The following COL27A1 variants were observed in gnomAD, a reference collection of about 807,000 sequenced individuals.
COL27A1 encodes the protein collagen type XXVII alpha 1 chain, also known as collagen alpha-1(XXVII) chain.
Under a neutral mutation model 251.3 loss-of-function variants are expected in COL27A1, and 106 were observed. The observed-to-expected ratio is 0.42, with a 90% CI of 0.36 to 0.50. The LOEUF (loss-of-function observed/expected upper bound fraction) is 0.50. Among genes scored for constraint, COL27A1 ranks in the 20% least tolerant of loss-of-function variants. The pLI is 0.00. For missense variants in COL27A1, 2,325 were observed against 2,522.8 expected (o/e 0.92, Z 1.68); for synonymous variants, 1,000 against 986.3 (o/e 1.01, Z -0.26).
At chr9:114,247,320 G>C (rs1198888651) in intron 24 of COL27A1, among the ~76,000 whole-genome samples, 11 of 152,166 alleles carry the variant, frequency 7.2e-5, no homozygotes, top group Non-Finnish European at 7.3e-5. Flanking sequence ...GACAGTCCCA[G>C]GTCCTGGTAG....
At chr9:114,300,966 C>A in intron 51 of COL27A1, 106 bp from the exon 52 acceptor site, 1 of 1,113,620 alleles carries the variant, frequency 9.0e-7, no homozygotes, top group Non-Finnish European at 1.3e-6. Context: ...TTCAGATGGT[C>A]TCCCTTCTAC....
chr9:114,202,303 A>G (rs528039550), intron 7 of COL27A1, among the ~76,000 whole-genome samples: 1 of 152,334 alleles, frequency 6.6e-6, no homozygotes, highest in East Asian at 1.9e-4. Context: ...GGTGATGGCC[A>G]AGGGCCCCCT....
chr9:114,258,518 C>T (rs1834101182), intron 27 of COL27A1, 23 bp from the exon 28 acceptor site: 1 of 1,610,152 alleles, frequency 6.2e-7, no homozygotes. Context: ...GGGGCCTCTC[C>T]AAACTCTTTC....
At chr9:114,233,852 A>G (rs532507209) in intron 16 of COL27A1, among the ~76,000 whole-genome samples, 145 of 152,198 alleles carry the variant, frequency 9.5e-4, no homozygotes, top group Non-Finnish European at 1.8e-3. Flanking sequence ...AAAGAGAGAG[A>G]GGGGGAGAAA....
chr9:114,272,843 T>C (rs1449098056), intron 36 of COL27A1: 1 of 151,926 alleles, frequency 6.6e-6, no homozygotes, highest in African/African-American at 2.4e-5. Flanking sequence ...GGAGGCATCG[T>C]CCCCTGAGCA....
chr9:114,269,614 C>CAAAAAAA (rs552967033), intron 35 of COL27A1, among the ~76,000 whole-genome samples: 8 of 69,190 alleles, frequency 1.2e-4, no homozygotes, highest in Admixed American at 1.8e-4. Context: ...GACTCCATCT[C>CAAAAAAA]AAAAAAAAAA....
intron 3 of COL27A1, among the ~76,000 whole-genome samples, chr9:114,169,926 G>C (rs1849190089): frequency 6.6e-6 from 1 of 152,242 alleles, no homozygotes; most frequent in Admixed American, 6.5e-5. Context: ...CACACATGGG[G>C]AGCTCTGGAT....
In COL27A1 at chr9:114,231,717, G is replaced by A. The variant is rs563513104; in HGVS notation, c.2521-105G>A. 9.0e-6 allele frequency: 10 copies of A among 1,113,886 alleles called. No individual in the cohort carries two copies. The Admixed American group carries it at 1.2e-4, about 13-fold the overall frequency. The allele number at this position is 1,113,886 out of a possible 1,614,324, so 69.0% of individuals were successfully genotyped here. ...TTTTACAGATGTGAACACTGAGGTT[G>A]GGGGATCTAGCACGGGGTCTTGCAG... On this transcript the variant is annotated intron_variant, in intron 15 of 60. Coordinates refer to ENST00000356083, the MANE Select transcript of COL27A1 (RefSeq NM_032888.4).
At chr9:114,310,158 C>T (rs1023776247) in intron 60 of COL27A1, among the ~76,000 whole-genome samples, 1 of 152,120 alleles carries the variant, frequency 6.6e-6, no homozygotes, top group Non-Finnish European at 1.5e-5. Context: ...AAAGACTACA[C>T]ATTGGGTACC....
chr9:114,275,113 A>G (rs1835407666), intron 36 of COL27A1, among the ~76,000 whole-genome samples: 1 of 148,060 alleles, frequency 6.8e-6, no homozygotes, highest in Non-Finnish European at 1.5e-5. Flanking sequence ...ATTTTTTTTC[A>G]ATTAGCTGGG....
chr9:114,258,405 G>C, intron 27 of COL27A1, 136 bp from the exon 28 acceptor site: 1 of 799,664 alleles, frequency 1.3e-6, no homozygotes. Flanking sequence ...TGTGGAGGCT[G>C]CTGGGGCCCC....
chr9:114,192,692 T>A (rs1174772163), intron 5 of COL27A1, among the ~76,000 whole-genome samples: 3 of 152,196 alleles, frequency 2.0e-5, no homozygotes, highest in African/African-American at 7.2e-5. Flanking sequence ...AACCCACCTT[T>A]GTCCTTCCTT....
At chr9:114,306,944 G>T (rs888179013) in intron 58 of COL27A1, 6 of 431,264 alleles carry the variant, frequency 1.4e-5, no homozygotes, top group Non-Finnish European at 8.3e-6. Flanking sequence ...CCCCACCCCT[G>T]GGGCCCATCC....
intron 27 of COL27A1, among the ~76,000 whole-genome samples, 180 bp downstream of exon 27, chr9:114,253,112 T>TTG: frequency 6.6e-6 from 1 of 152,084 alleles, no homozygotes; most frequent in Non-Finnish European, 1.5e-5. Flanking sequence ...ATACAAAAAT[T>TTG]CGCTGGGCGT....
intron 11 of COL27A1, 121 bp downstream of exon 11, chr9:114,209,849 C>A (rs935833865): frequency 2.2e-6 from 2 of 889,380 alleles, no homozygotes; most frequent in South Asian, 1.4e-5. Flanking sequence ...GCACTTGAGT[C>A]GAGTAGGAGT....
At chr9:114,223,758 T>C (rs1271047953) in intron 14 of COL27A1, among the ~76,000 whole-genome samples, 1 of 152,202 alleles carries the variant, frequency 6.6e-6, no homozygotes, top group Non-Finnish European at 1.5e-5. Context: ...TATGCCTCGG[T>C]TTCTTCATCT....
At chr9:114,273,748 C>T (rs1283540168) in intron 36 of COL27A1, 1 of 152,406 alleles carries the variant, frequency 6.6e-6, no homozygotes, top group Non-Finnish European at 1.5e-5. Flanking sequence ...ATGGACGCCG[C>T]CCCTCAGCAG....
rs796666603 is a variant in COL27A1, at chr9:114,245,156, T to G, written c.2935-710T>G. Among the ~76,000 whole-genome samples the G allele has an allele frequency of 5.3e-3, 733 of 139,384 alleles. 13 individuals carry two copies. The highest frequency in any genetic ancestry group is 0.018 in the African/African-American group (673 of 37,652). 91.4% of individuals were successfully genotyped at this position (139,384 alleles called of 152,430 possible). A position where few individuals can be genotyped will look rare whatever the true frequency, so the allele number is the denominator to read the frequency against. Reference sequence around the variant, plus strand: ...TGGGAATGTGCATTCTTGTTTTTTTTTTTTTTTTTTTTTTTTTTTTGACAG... The same window carrying G: ...TGGGAATGTGCATTCTTGTTTTTTTGTTTTTTTTTTTTTTTTTTTTGACAG... On this transcript the variant is annotated intron_variant, in intron 23 of 60. Transcript: ENST00000356083.
intron 12 of COL27A1, among the ~76,000 whole-genome samples, chr9:114,216,984 C>T (rs183465169): frequency 3.9e-5 from 6 of 152,256 alleles, no homozygotes; most frequent in East Asian, 3.9e-4. Context: ...TGCCTAGGTT[C>T]GAATCTCATC....
Sources: gnomAD v4.1 joint callset for allele counts (sites outside exome capture counted in the v4.1 genomes callset) on GRCh38, gnomAD v4.1.1 for gene constraint, MANE v1.5 for transcripts, NCBI Gene and HGNC (gene_info 2026-07-23, HGNC 2026-07-21) for gene names.